Variants in KIAA0753 observed in about 807,000 individuals in gnomAD.
The protein encoded by KIAA0753 is KIAA0753, also known as protein moonraker.
Under a neutral mutation model 116.9 loss-of-function variants are expected in KIAA0753, and 114 were observed. The ratio of observed to expected loss-of-function variants is 0.98; its 90% CI spans 0.84 to 1.14. The LOEUF is 1.14. KIAA0753 is among the 50% of genes most tolerant of loss of function. The pLI is 0.00. For synonymous variants in KIAA0753, 405 were observed against 413.1 expected, an observed-to-expected ratio of 0.98 and a Z score of 0.24; for missense variants, 1,156 against 1,172.4, an observed-to-expected ratio of 0.99 and a Z score of 0.20.
intron 10 of KIAA0753, 95 bp from the exon 11 acceptor site, chr17:6,607,365 G>A: frequency 2.2e-6 from 2 of 925,444 alleles, no homozygotes; most frequent in Non-Finnish European, 3.5e-6. Flanking sequence ...CCACTGCAGA[G>A]CAGAGCACCA....
At chr17:6,580,613 G>A (rs1336568693) in intron 18 of KIAA0753, among the ~76,000 whole-genome samples, 1 of 152,132 alleles carries the variant, frequency 6.6e-6, no homozygotes, top group Non-Finnish European at 1.5e-5. Flanking sequence ...ACTGTGCCCG[G>A]CCAAGATACT....
chr17:6,579,207 G>T lies in KIAA0753; in HGVS notation c.*540C>A, dbSNP rs185007505. The T allele has an allele frequency of 6.6e-6, 1 of 152,618 alleles. No homozygotes were observed. The highest frequency in any genetic ancestry group is 1.5e-5 in the Non-Finnish European group (1 of 68,222). 9.5% of individuals were successfully genotyped at this position (152,618 alleles called of 1,614,324 possible). ...CTCCTGTTTGGAATAAACTGCAGCA[G>T]AGGAGAGGTTTGGCAGCACAGCCAG... On this transcript the variant is annotated 3_prime_UTR_variant, in exon 19 of 19. Coordinates refer to ENST00000361413, the MANE Select transcript of KIAA0753 (RefSeq NM_014804.3).
chr17:6,634,785 G>C (rs1972209618), intron 2 of KIAA0753: 1 of 463,332 alleles, frequency 2.2e-6, no homozygotes, highest in East Asian at 3.7e-5. Context: ...TCATTTTTAG[G>C]AGAAGTATTC....
chr17:6,632,219 AC>A (rs762550199), intron 2 of KIAA0753, among the ~76,000 whole-genome samples: 1 of 152,128 alleles, frequency 6.6e-6, no homozygotes, highest in South Asian at 2.1e-4. Flanking sequence ...GTCTTTTTAC[AC>A]CATAAAGTGG....
chr17:6,593,345 C>T (rs963503630), intron 16 of KIAA0753, among the ~76,000 whole-genome samples: 13 of 151,938 alleles, frequency 8.6e-5, no homozygotes, highest in South Asian at 6.2e-4. Context: ...TTCGGGAGGC[C>T]GGGCGCAATG....
chr17:6,590,086 A>T, intron 17 of KIAA0753, 83 bp from the exon 18 acceptor site: 1 of 1,047,540 alleles, frequency 9.5e-7, no homozygotes, highest in Non-Finnish European at 1.4e-6. Flanking sequence ...ATGGTTTGAT[A>T]GCCAAAGGCT....
chr17:6,629,830 A>G lies in KIAA0753; in HGVS notation c.94-1089T>C, dbSNP rs982158226. Among the ~76,000 whole-genome samples the G allele has an allele frequency of 2.0e-5, 3 of 152,342 alleles. No homozygotes were observed. The East Asian group carries it at 5.8e-4, about 29-fold the overall frequency. Reference sequence around the variant, plus strand: ...TTTCGGATTTTTAAAAAGTAGTTAGAAAGCTCACTAAAGAAAAAACAAATA... The same window carrying G: ...TTTCGGATTTTTAAAAAGTAGTTAGGAAGCTCACTAAAGAAAAAACAAATA... On this transcript the variant is annotated intron_variant, in intron 2 of 18. Coordinates refer to ENST00000361413, the MANE Select transcript of KIAA0753 (RefSeq NM_014804.3).
chr17:6,620,695 A>G (rs1343634397), intron 7 of KIAA0753, 93 bp downstream of exon 7: 2 of 1,283,574 alleles, frequency 1.6e-6, no homozygotes, highest in East Asian at 4.6e-5. Context: ...GCTAGGTCCT[A>G]AATCCTGACT....
intron 14 of KIAA0753, among the ~76,000 whole-genome samples, chr17:6,597,064 C>T (rs1969534652): frequency 6.6e-6 from 1 of 152,140 alleles, no homozygotes; most frequent in Non-Finnish European, 1.5e-5. Flanking sequence ...GTTTACTTGA[C>T]CTCTCCGGGC....
intron 2 of KIAA0753, among the ~76,000 whole-genome samples, chr17:6,634,095 C>CTT (rs59023654): frequency 6.0e-4 from 78 of 130,164 alleles, no homozygotes; most frequent in Admixed American, 1.2e-3. Flanking sequence ...AGGGTGAATT[C>CTT]TTTTTTTTTT....
intron 7 of KIAA0753, 89 bp downstream of exon 7, chr17:6,620,699 C>T (rs1971256349): frequency 1.5e-6 from 2 of 1,314,300 alleles, no homozygotes; most frequent in African/African-American, 2.9e-5. Context: ...GGTCCTAAAT[C>T]CTGACTTTCC....
At chr17:6,617,871 G>C (rs1018230077) in intron 7 of KIAA0753, among the ~76,000 whole-genome samples, 5 of 152,242 alleles carry the variant, frequency 3.3e-5, no homozygotes, top group African/African-American at 1.2e-4. Context: ...GGGAGGCCAA[G>C]GCAGGCGGAT....
In KIAA0753 at chr17:6,607,346, A is replaced by C. The variant is rs908902331; in HGVS notation, c.1830-76T>G. The C allele has an allele frequency of 6.8e-6, 8 of 1,174,816 alleles. No individual in the cohort carries two copies. In the East Asian group the frequency reaches 1.4e-4, roughly 21 times the overall value. The allele number at this position is 1,174,816 out of a possible 1,614,324, so 72.8% of individuals were successfully genotyped here. A position where few individuals can be genotyped will look rare whatever the true frequency, so the allele number is the denominator to read the frequency against. ...TGTCATCATCACAGAAACAGACCAG[A>C]AATCAGGACCACTGCAGAGCAGAGC... On this transcript the variant is annotated intron_variant, in intron 10 of 18. Transcript: ENST00000361413.
chr17:6,596,733 T>C (rs990114202), intron 14 of KIAA0753, among the ~76,000 whole-genome samples: 3 of 152,230 alleles, frequency 2.0e-5, no homozygotes, highest in Admixed American at 2.0e-4. Context: ...GGTGCAGTGC[T>C]TCTGTGAAAA....
intron 4 of KIAA0753, among the ~76,000 whole-genome samples, chr17:6,624,177 T>C (rs978206887): frequency 6.6e-6 from 1 of 152,192 alleles, no homozygotes; most frequent in Non-Finnish European, 1.5e-5. Context: ...AACAAACACT[T>C]TTTAAAAATC....
At chr17:6,631,223 G>A (rs960838256) in intron 2 of KIAA0753, among the ~76,000 whole-genome samples, 59 of 152,214 alleles carry the variant, frequency 3.9e-4, no homozygotes, top group African/African-American at 1.3e-3. Context: ...ACATAACCAC[G>A]CTAAAAAGTG....
intron 6 of KIAA0753, among the ~76,000 whole-genome samples, chr17:6,622,478 T>C (rs73350277): frequency 0.023 from 3,579 of 152,336 alleles, 156 homozygotes; most frequent in African/African-American, 0.081. Context: ...TGATTCCATA[T>C]ACTGTACCTT....
At chr17:6,610,416 T>C (rs1049673724) in intron 8 of KIAA0753, among the ~76,000 whole-genome samples, 1 of 151,484 alleles carries the variant, frequency 6.6e-6, no homozygotes, top group African/African-American at 2.4e-5. Context: ...ATAAACAATA[T>C]ATAAAATATA....
At chr17:6,626,432 G>A (rs1265544135) in intron 3 of KIAA0753, among the ~76,000 whole-genome samples, 1 of 152,214 alleles carries the variant, frequency 6.6e-6, no homozygotes, top group African/African-American at 2.4e-5. Context: ...GCAGTCTCAA[G>A]AGACCCTATA....
Sources: gnomAD v4.1 joint callset for allele counts (sites outside exome capture counted in the v4.1 genomes callset) on GRCh38, gnomAD v4.1.1 for gene constraint, MANE v1.5 for transcripts, NCBI Gene and HGNC (gene_info 2026-07-23, HGNC 2026-07-21) for gene names.